Variants in ARAP2 observed in about 807,000 individuals in gnomAD.
The protein encoded by ARAP2 is arf-GAP with Rho-GAP domain, ANK repeat and PH domain-containing protein 2.
ARAP2 carries 148 observed loss-of-function variants against 194.5 expected under a neutral mutation model. The observed-to-expected ratio is 0.76, with a 90% CI of 0.67 to 0.87. The LOEUF is 0.87. ARAP2 is among the 40% of genes least tolerant of loss of function. ARAP2 has a pLI of 0.00. For missense variants in ARAP2, 2,128 were observed against 1,989.7 expected (o/e 1.07, Z -1.32); for synonymous variants, 695 against 683.5 (o/e 1.02, Z -0.26).
At chr4:36,154,659 C>G (rs1197306972) in intron 15 of ARAP2, among the ~76,000 whole-genome samples, 3 of 152,004 alleles carry the variant, frequency 2.0e-5, no homozygotes, top group East Asian at 3.9e-4. Context: ...GTCTTTATAA[C>G]CAGAGGCCAG....
At chr4:36,078,441 G>C (rs551036040) in intron 31 of ARAP2, among the ~76,000 whole-genome samples, 1 of 152,144 alleles carries the variant, frequency 6.6e-6, no homozygotes, top group East Asian at 1.9e-4. Flanking sequence ...CATTATAGGG[G>C]GTGTTTACTG....
Position 36,204,896 on chromosome 4 carries a change from G to T in ARAP2, c.1487+5494C>A, listed in dbSNP as rs1578266515. ...CCCGACTACTCGGGAGGCTGTGGCA[G>T]AGAACTGCTTGAACCCAGGAGGTGA... is the stretch of plus-strand genomic sequence containing the variant. On this transcript the variant is annotated intron_variant, in intron 6 of 32. Coordinates refer to ENST00000303965, the MANE Select transcript of ARAP2 (RefSeq NM_015230.4). Among the ~76,000 whole-genome samples the T allele has an allele frequency of 2.0e-5, 3 of 149,424 alleles. No individual in the cohort carries two copies. The South Asian group carries it at 6.4e-4, about 32-fold the overall frequency.
intron 16 of ARAP2, 79 bp from the exon 17 acceptor site, chr4:36,148,586 T>C (rs1560532104): frequency 3.1e-6 from 3 of 970,380 alleles, no homozygotes; most frequent in Admixed American, 2.5e-5. Context: ...GGTCATGTTT[T>C]TAATTAAATT....
intron 15 of ARAP2, among the ~76,000 whole-genome samples, chr4:36,152,650 G>GC (rs1274469791): frequency 1.4e-4 from 20 of 144,614 alleles, no homozygotes; most frequent in African/African-American, 3.4e-4. Flanking sequence ...AAGGAGGTAA[G>GC]CCCCCCCACC....
chr4:36,239,760 T>C (rs941828529), intron 1 of ARAP2, among the ~76,000 whole-genome samples: 4 of 152,214 alleles, frequency 2.6e-5, no homozygotes, highest in South Asian at 2.1e-4. Context: ...GTAAATTTTA[T>C]AGTATGTGTT....
At chr4:36,018,331 C>A (rs1238697729) in intron 6 of ARAP2, among the ~76,000 whole-genome samples, 1 of 151,914 alleles carries the variant, frequency 6.6e-6, no homozygotes, top group African/African-American at 2.4e-5. Flanking sequence ...AACCCACTTG[C>A]TCCGATATTT....
At chr4:36,227,519 T>C (rs1297893562) in intron 2 of ARAP2, among the ~76,000 whole-genome samples, 3 of 152,158 alleles carry the variant, frequency 2.0e-5, no homozygotes, top group Non-Finnish European at 4.4e-5. Context: ...AACACTAAAT[T>C]GCCACCTTTT....
chr4:36,202,319 A>G (rs1744532775), intron 6 of ARAP2, among the ~76,000 whole-genome samples: 1 of 152,182 alleles, frequency 6.6e-6, no homozygotes, highest in African/African-American at 2.4e-5. Context: ...TATTTCTATA[A>G]AATGCCAGCA....
chr4:36,233,044 T>G (rs1751799153), intron 1 of ARAP2, among the ~76,000 whole-genome samples: 1 of 152,140 alleles, frequency 6.6e-6, no homozygotes, highest in East Asian at 1.9e-4. Flanking sequence ...CTGATTCCTT[T>G]TCATGCCATG....
chr4:36,118,004 T>C (rs1265772230), intron 24 of ARAP2, among the ~76,000 whole-genome samples: 1 of 151,438 alleles, frequency 6.6e-6, no homozygotes, highest in Non-Finnish European at 1.5e-5. Context: ...AAAAAGATCA[T>C]AACCAAGAAA....
chr4:36,116,555 C>T (rs750661761), intron 25 of ARAP2, among the ~76,000 whole-genome samples: 1 of 151,848 alleles, frequency 6.6e-6, no homozygotes, highest in Non-Finnish European at 1.5e-5. Context: ...AATTGGAAGA[C>T]TGGATGCTAA....
intron 1 of ARAP2, among the ~76,000 whole-genome samples, chr4:36,231,038 CAAA>C (rs1751346041): frequency 6.6e-6 from 1 of 152,160 alleles, no homozygotes. Context: ...ATGTCACACA[CAAA>C]GAAGTTACAC....
At chr4:36,135,910 G>T (rs1304977674) in intron 19 of ARAP2, among the ~76,000 whole-genome samples, 1 of 151,726 alleles carries the variant, frequency 6.6e-6, no homozygotes, top group Non-Finnish European at 1.5e-5. Context: ...CCTACAATAT[G>T]AGTATAATTC....
chr4:36,191,918 C>T (rs544564361), intron 7 of ARAP2, among the ~76,000 whole-genome samples: 2 of 152,060 alleles, frequency 1.3e-5, no homozygotes, highest in East Asian at 1.9e-4. Context: ...ACATGATTGG[C>T]GGCCTCAAAG....
At chr4:36,055,041 G>A (rs1045666164) in intron 2 of ARAP2, among the ~76,000 whole-genome samples, 7 of 152,066 alleles carry the variant, frequency 4.6e-5, no homozygotes, top group African/African-American at 1.2e-4. Context: ...TTTAAAATAC[G>A]TAATAACCCT....
At chr4:36,017,375 T>G (rs1716013523) in intron 6 of ARAP2, among the ~76,000 whole-genome samples, 1 of 150,962 alleles carries the variant, frequency 6.6e-6, no homozygotes, top group Non-Finnish European at 1.5e-5. Context: ...TTACATACTG[T>G]GGGGAAGAGA....
chr4:36,096,362 CAAA>C (rs10632831), intron 27 of ARAP2, among the ~76,000 whole-genome samples: 1 of 80,990 alleles, frequency 1.2e-5, no homozygotes, highest in East Asian at 4.9e-4. Context: ...GAGACTCTCT[CAAA>C]AAAAAAAAAA....
chr4:36,081,337 A>G (rs144482897), intron 30 of ARAP2, among the ~76,000 whole-genome samples: 2 of 152,280 alleles, frequency 1.3e-5, no homozygotes, highest in Non-Finnish European at 2.9e-5. Flanking sequence ...GGGAGAATGA[A>G]AGTATGACAG....
chr4:36,201,247 T>C (rs532815592), intron 6 of ARAP2, among the ~76,000 whole-genome samples: 1 of 152,296 alleles, frequency 6.6e-6, no homozygotes, highest in South Asian at 2.1e-4. Context: ...GTCCAAGTCA[T>C]ACAGGTAATA....
Sources: allele counts gnomAD v4.1 joint callset (sites outside exome capture counted in the v4.1 genomes callset), GRCh38; gene constraint gnomAD v4.1.1; transcripts MANE v1.5; gene names NCBI Gene and HGNC (gene_info 2026-07-23, HGNC 2026-07-21).